The following SERGEF variants were observed in gnomAD, a reference collection of about 807,000 sequenced individuals.
SERGEF encodes secretion regulating guanine nucleotide exchange factor, also known as secretion-regulating guanine nucleotide exchange factor.
A neutral mutation model predicts 50.0 loss-of-function variants in SERGEF; 51 were observed. That is an observed-to-expected ratio of 1.02 (90% CI 0.81 to 1.29). The LOEUF (loss-of-function observed/expected upper bound fraction) is 1.29, where lower values mean the gene tolerates loss of function less well. Among genes scored for constraint, SERGEF ranks in the 50% most tolerant of loss-of-function variants. SERGEF has a pLI of 0.00. For missense variants in SERGEF, 521 were observed against 557.0 expected (o/e 0.94, Z 0.65); for synonymous variants, 205 against 212.4 (o/e 0.97, Z 0.30).
chr11:17,940,583 A>G (rs546113284), intron 9 of SERGEF, among the ~76,000 whole-genome samples: 1 of 152,216 alleles, frequency 6.6e-6, no homozygotes, highest in East Asian at 1.9e-4. Context: ...AATGGTGATC[A>G]GTCTTTTTTT....
intron 6 of SERGEF, among the ~76,000 whole-genome samples, chr11:17,995,339 T>C (rs531332204): frequency 1.4e-3 from 211 of 152,316 alleles, no homozygotes; most frequent in African/African-American, 4.7e-3. Context: ...CTGGGTTCCC[T>C]CTTTGGGGTG....
intron 9 of SERGEF, among the ~76,000 whole-genome samples, chr11:17,940,743 G>C (rs764207184): frequency 2.6e-5 from 4 of 152,016 alleles, no homozygotes; most frequent in Non-Finnish European, 4.4e-5. Context: ...CCGGCTTGAT[G>C]ATCAGTCTTA....
chr11:17,846,802 T>A (rs1429170445), intron 10 of SERGEF: 1 of 455,788 alleles, frequency 2.2e-6, no homozygotes, highest in Non-Finnish European at 4.4e-6. Context: ...GAACCCAGAA[T>A]GGTGGCTGAC....
intron 2 of SERGEF, 100 bp downstream of exon 2, chr11:18,007,840 TC>T: frequency 1.6e-6 from 2 of 1,216,622 alleles, no homozygotes; most frequent in South Asian, 3.4e-5. Flanking sequence ...TACATTATTT[TC>T]CTCTGCAAAA....
intron 10 of SERGEF, among the ~76,000 whole-genome samples, chr11:17,801,845 T>C (rs1333080138): frequency 6.6e-6 from 1 of 152,184 alleles, no homozygotes; most frequent in Non-Finnish European, 1.5e-5. Context: ...GGGGCCTAAT[T>C]TGGTGCCTTC....
chr11:17,797,058 T>A lies in SERGEF; in HGVS notation c.1049-8645A>T, dbSNP rs530065081. Among the ~76,000 whole-genome samples the A allele has an allele frequency of 3.3e-5, 5 of 152,234 alleles. No homozygotes were observed. In the East Asian group the frequency reaches 9.6e-4, roughly 29 times the overall value. Reference sequence around the variant, plus strand: ...CTGTGGAAAAAGGGTTTGGGGAAGGTAATGTGCAAAATACAGCCAGGATCT... The same window carrying A: ...CTGTGGAAAAAGGGTTTGGGGAAGGAAATGTGCAAAATACAGCCAGGATCT... On this transcript the variant is annotated intron_variant, in intron 10 of 10. Coordinates refer to ENST00000265965, the MANE Select transcript of SERGEF (RefSeq NM_012139.4).
intron 10 of SERGEF, among the ~76,000 whole-genome samples, chr11:17,837,656 TTTC>T (rs1220170634): frequency 1.3e-5 from 2 of 148,570 alleles, no homozygotes; most frequent in Admixed American, 6.7e-5. Flanking sequence ...AGTAAACCTC[TTTC>T]TTTTTTTTTT....
At chr11:17,907,533 T>C (rs936613127) in intron 9 of SERGEF, among the ~76,000 whole-genome samples, 3 of 152,218 alleles carry the variant, frequency 2.0e-5, no homozygotes, top group Admixed American at 6.5e-5. Flanking sequence ...ATTCTAAAAA[T>C]GTAAGGCAGA....
intron 7 of SERGEF, among the ~76,000 whole-genome samples, chr11:17,990,302 G>A (rs994770808): frequency 1.3e-5 from 2 of 152,170 alleles, no homozygotes; most frequent in African/African-American, 2.4e-5. Context: ...TCCAAAATGA[G>A]GGAGTATAAA....
At chr11:17,798,038 G>A (rs898251562) in intron 10 of SERGEF, among the ~76,000 whole-genome samples, 2 of 152,130 alleles carry the variant, frequency 1.3e-5, no homozygotes, top group Admixed American at 6.5e-5. Context: ...AGAGAAGGAA[G>A]GTGGACACAG....
intron 2 of SERGEF, 108 bp downstream of exon 2, chr11:18,007,833 A>C: frequency 8.5e-7 from 1 of 1,169,708 alleles, no homozygotes; most frequent in Non-Finnish European, 1.2e-6. Flanking sequence ...ACAAAAATAC[A>C]TTATTTTCCT....
intron 6 of SERGEF, among the ~76,000 whole-genome samples, chr11:17,993,498 T>G (rs182055243): frequency 2.0e-4 from 30 of 152,180 alleles, no homozygotes; most frequent in African/African-American, 6.7e-4. Context: ...ACCCCAAGCC[T>G]CCTAAGAATA....
intron 9 of SERGEF, among the ~76,000 whole-genome samples, chr11:17,915,947 T>G (rs1590195470): frequency 1.3e-5 from 2 of 152,214 alleles, no homozygotes; most frequent in African/African-American, 4.8e-5. Context: ...CAGCAGCAGG[T>G]GCAGGGACTG....
chr11:17,867,514 C>G (rs1387204344), intron 10 of SERGEF, among the ~76,000 whole-genome samples: 1 of 152,204 alleles, frequency 6.6e-6, no homozygotes, highest in African/African-American at 2.4e-5. Flanking sequence ...CATGGGTTGG[C>G]ACTGAGTGTC....
intron 8 of SERGEF, among the ~76,000 whole-genome samples, chr11:17,979,026 A>G (rs1853438408): frequency 6.6e-6 from 1 of 152,242 alleles, no homozygotes; most frequent in Non-Finnish European, 1.5e-5. Flanking sequence ...ATATAATGAT[A>G]ACGCTTCATC....
intron 10 of SERGEF, among the ~76,000 whole-genome samples, chr11:17,827,449 G>T (rs1850216749): frequency 6.6e-6 from 1 of 152,180 alleles, no homozygotes; most frequent in South Asian, 2.1e-4. Context: ...AAGAGGAAGA[G>T]AAAGACAATG....
chr11:17,960,507 T>C (rs1852974865), intron 8 of SERGEF, among the ~76,000 whole-genome samples: 1 of 152,186 alleles, frequency 6.6e-6, no homozygotes, highest in African/African-American at 2.4e-5. Flanking sequence ...TGCATAACCA[T>C]GTGCGTTGTA....
chr11:17,847,312 C>T (rs1357004958), intron 10 of SERGEF, among the ~76,000 whole-genome samples: 13 of 152,088 alleles, frequency 8.5e-5, no homozygotes, highest in Non-Finnish European at 7.3e-5. Flanking sequence ...CTGCACTCAG[C>T]AGGGCTGTAC....
At chr11:17,956,202 C>A (rs1202681954) in intron 9 of SERGEF, among the ~76,000 whole-genome samples, 2 of 152,208 alleles carry the variant, frequency 1.3e-5, no homozygotes, top group Non-Finnish European at 2.9e-5. Context: ...GGAGACATGG[C>A]TCAGAAGAAA....
Sources: gnomAD v4.1 joint callset for allele counts (sites outside exome capture counted in the v4.1 genomes callset) on GRCh38, gnomAD v4.1.1 for gene constraint, MANE v1.5 for transcripts, NCBI Gene and HGNC (gene_info 2026-07-23, HGNC 2026-07-21) for gene names.